CERS6: variants seen among roughly 807,000 people sequenced by gnomAD.
CERS6 encodes the protein LAG1 homolog, ceramide synthase 6.
In CERS6, 26 loss-of-function variants were observed where a neutral mutation model predicts 56.8. That is an observed-to-expected ratio of 0.46 (90% CI 0.34 to 0.63). The LOEUF is 0.63. Ranked by LOEUF, CERS6 falls within the 30% of genes least tolerant of loss-of-function variation. The probability of loss-of-function intolerance (pLI) is 0.01; values close to 1 mark genes in which losing one functional copy is unlikely to be tolerated. For synonymous variants in CERS6, 164 were observed against 173.3 expected (o/e 0.95, Z 0.42); for missense variants, 415 against 467.5 (o/e 0.89, Z 1.04).
In CERS6 at chr2:168,456,650, C is replaced by T; in HGVS notation, c.170+32C>T. On this transcript the variant is annotated intron_variant, in intron 1 of 9. Transcript: ENST00000305747. This position sits in a 1 kb window ranked among gnomAD's most constrained non-coding sequence, Gnocchi z 4.1. Reference sequence around the variant, plus strand: ...AGGGCTGAAGCCCCTCCTCCCCTCCCCCTGCGCACACACACGCGCGCACAC... The same window carrying T: ...AGGGCTGAAGCCCCTCCTCCCCTCCTCCTGCGCACACACACGCGCGCACAC... The T allele has an allele frequency of 6.2e-7, 1 of 1,602,330 alleles. No individual in the cohort carries two copies. The highest frequency in any genetic ancestry group is 8.5e-7 in the Non-Finnish European group (1 of 1,172,856).
chr2:168,644,231 G>A, intron 4 of CERS6: 9 of 946,742 alleles, frequency 9.5e-6, no homozygotes, highest in Non-Finnish European at 1.1e-5. Flanking sequence ...AGGGTGCTCA[G>A]GGAAGTCTGA....
intron 1 of CERS6, among the ~76,000 whole-genome samples, chr2:168,534,987 C>G (rs370908873): frequency 6.6e-6 from 1 of 152,240 alleles, no homozygotes; most frequent in Non-Finnish European, 1.5e-5. Flanking sequence ...TGAGGAGGCA[C>G]TCTGGCTGCA....
At chr2:168,574,370 T>G (rs974588268) in intron 3 of CERS6, among the ~76,000 whole-genome samples, 1 of 148,696 alleles carries the variant, frequency 6.7e-6, no homozygotes, top group East Asian at 2.0e-4. Context: ...TCAATAAGTT[T>G]TGTGTGTGTG....
At chr2:168,649,144 C>G (rs1685277321) in intron 4 of CERS6, among the ~76,000 whole-genome samples, 2 of 152,158 alleles carry the variant, frequency 1.3e-5, no homozygotes, top group African/African-American at 2.4e-5. Context: ...CAGCCTTGGG[C>G]TTCCTCAGCA....
At chr2:168,509,261 A>G (rs1449116291) in intron 1 of CERS6, among the ~76,000 whole-genome samples, 1 of 152,212 alleles carries the variant, frequency 6.6e-6, no homozygotes, top group Non-Finnish European at 1.5e-5. Flanking sequence ...TTTTCATAAC[A>G]TGACAACAGC....
intron 1 of CERS6, among the ~76,000 whole-genome samples, chr2:168,480,593 G>A (rs904247387): frequency 2.6e-5 from 4 of 152,102 alleles, no homozygotes; most frequent in South Asian, 2.1e-4. Flanking sequence ...TTTATTTACC[G>A]TTTAAGGTTA....
chr2:168,683,673 C>A (rs114419998), intron 4 of CERS6, among the ~76,000 whole-genome samples: 24 of 152,266 alleles, frequency 1.6e-4, no homozygotes, highest in African/African-American at 5.3e-4. Flanking sequence ...TATACCTGGT[C>A]TCTTTCTCCC....
chr2:168,631,530 A>G (rs1228207746), intron 4 of CERS6, among the ~76,000 whole-genome samples: 2 of 119,004 alleles, frequency 1.7e-5, no homozygotes, highest in East Asian at 2.2e-4. Context: ...TTATATAAAT[A>G]CATATTAAAT....
chr2:168,515,759 G>A (rs566493445), intron 1 of CERS6, among the ~76,000 whole-genome samples: 1 of 152,310 alleles, frequency 6.6e-6, no homozygotes, highest in African/African-American at 2.4e-5. Context: ...ATTTTTGAAA[G>A]TACTTGTTGT....
chr2:168,744,155 A>G (rs1160446704), intron 8 of CERS6, among the ~76,000 whole-genome samples: 17 of 150,586 alleles, frequency 1.1e-4, no homozygotes, highest in Admixed American at 2.0e-4. Context: ...ACAGGCACCC[A>G]CCACCACGCC....
intron 3 of CERS6, among the ~76,000 whole-genome samples, chr2:168,599,178 G>A (rs191643537): frequency 1.6e-4 from 24 of 152,324 alleles, no homozygotes; most frequent in African/African-American, 4.6e-4. Flanking sequence ...ACCTTGCAGA[G>A]CATGGGAAAA....
At chr2:168,558,391 C>T (rs1184002576) in intron 2 of CERS6, among the ~76,000 whole-genome samples, 1 of 152,122 alleles carries the variant, frequency 6.6e-6, no homozygotes, top group African/African-American at 2.4e-5. Flanking sequence ...TATGGTATAT[C>T]TTTACAGCTC....
intron 1 of CERS6, among the ~76,000 whole-genome samples, chr2:168,527,273 T>G (rs779838915): frequency 1.4e-4 from 21 of 152,198 alleles, no homozygotes; most frequent in Non-Finnish European, 1.9e-4. Flanking sequence ...AGTACAGAGA[T>G]TTCCCATATC....
At chr2:168,544,189 G>A (rs1695421339) in intron 1 of CERS6, among the ~76,000 whole-genome samples, 1 of 152,148 alleles carries the variant, frequency 6.6e-6, no homozygotes, top group Admixed American at 6.5e-5. Flanking sequence ...TATTAAGTTT[G>A]TCTGTTATTC....
chr2:168,545,210 T>C (rs1188584911), intron 1 of CERS6, among the ~76,000 whole-genome samples: 1 of 151,964 alleles, frequency 6.6e-6, no homozygotes, highest in East Asian at 1.9e-4. Context: ...TTTTCACATA[T>C]GAGGAGATTA....
At chr2:168,579,222 A>G (rs560614489) in intron 3 of CERS6, among the ~76,000 whole-genome samples, 1 of 152,242 alleles carries the variant, frequency 6.6e-6, no homozygotes, top group South Asian at 2.1e-4. Context: ...TATAGTATAT[A>G]TTTCTTGGGA....
intron 1 of CERS6, among the ~76,000 whole-genome samples, chr2:168,506,105 A>C (rs572620870): frequency 1.3e-5 from 2 of 152,206 alleles, no homozygotes; most frequent in Non-Finnish European, 2.9e-5. Context: ...ATGCCAATTC[A>C]TGCGGCCTTC....
At chr2:168,679,800 A>G (rs1214004204) in intron 4 of CERS6, among the ~76,000 whole-genome samples, 2 of 152,220 alleles carry the variant, frequency 1.3e-5, no homozygotes, top group East Asian at 3.8e-4. Flanking sequence ...TGTGCCTGAC[A>G]TCAAGAAAAG....
At chr2:168,466,281 T>C (rs1433825701) in intron 1 of CERS6, among the ~76,000 whole-genome samples, 1 of 152,138 alleles carries the variant, frequency 6.6e-6, no homozygotes, top group Non-Finnish European at 1.5e-5. Flanking sequence ...GCACATTGCA[T>C]AGTTTCGGAG....
Sources: gnomAD v4.1 joint callset for allele counts (sites outside exome capture counted in the v4.1 genomes callset) on GRCh38, gnomAD v4.1.1 for gene constraint, Gnocchi (gnomAD v3.1) non-coding constraint, MANE v1.5 for transcripts, NCBI Gene and HGNC (gene_info 2026-07-23, HGNC 2026-07-21) for gene names.